Variants in NUDT9 observed in about 807,000 individuals in gnomAD.
The protein encoded by NUDT9 is nudix hydrolase 9.
Under a neutral mutation model 41.0 loss-of-function variants are expected in NUDT9, and 31 were observed. The observed-to-expected ratio is 0.76, with a 90% confidence interval of 0.57 to 1.02. The LOEUF is 1.02. NUDT9 is among the 50% of genes least tolerant of loss of function. The pLI, the probability that NUDT9 is intolerant of heterozygous loss-of-function variation, is 0.00. For missense variants in NUDT9, 380 were observed against 431.4 expected (o/e 0.88, Z 1.06); for synonymous variants, 146 against 147.6 (o/e 0.99, Z 0.08).
At chr4:87,440,978 A>G (rs923600260) in intron 3 of NUDT9, among the ~76,000 whole-genome samples, 6 of 152,172 alleles carry the variant, frequency 3.9e-5, no homozygotes, top group Non-Finnish European at 7.4e-5. Context: ...AGTCTTGCTG[A>G]AATATTTCTG....
intron 6 of NUDT9, among the ~76,000 whole-genome samples, chr4:87,452,066 G>A (rs764857226): frequency 1.7e-4 from 26 of 150,296 alleles, no homozygotes; most frequent in Non-Finnish European, 3.1e-4. Context: ...GCAGTGGCAC[G>A]ATCTTGGCTT....
At chr4:87,453,929 G>A (rs1475939498) in intron 6 of NUDT9, among the ~76,000 whole-genome samples, 1 of 149,730 alleles carries the variant, frequency 6.7e-6, no homozygotes, top group East Asian at 2.0e-4. Context: ...CGCGATCTTG[G>A]CTCACTGCTA....
chr4:87,437,848 G>A (rs1722022756), intron 2 of NUDT9, among the ~76,000 whole-genome samples: 1 of 152,130 alleles, frequency 6.6e-6, no homozygotes, highest in South Asian at 2.1e-4. Flanking sequence ...TAATCAGTGT[G>A]CATTTGAAGA....
At chr4:87,453,809 C>T (rs941450557) in intron 6 of NUDT9, among the ~76,000 whole-genome samples, 4 of 151,536 alleles carry the variant, frequency 2.6e-5, no homozygotes, top group Non-Finnish European at 4.4e-5. Context: ...TGAAGTACTA[C>T]ATTAAAAGTT....
chr4:87,446,247 CTTTTTTT>C (rs386400738), intron 4 of NUDT9, among the ~76,000 whole-genome samples: 5 of 124,234 alleles, frequency 4.0e-5, no homozygotes, highest in South Asian at 2.5e-4. Flanking sequence ...CTTATCTTTC[CTTTTTTT>C]TTTTTTTTTT....
In NUDT9 at chr4:87,422,739, C is replaced by T. The variant is rs759075546; in HGVS notation, c.-167C>T. ...CTCTTATCGTGGGAGGGCTCTTGAT[C>T]TGTGATTTATAGATAGGCACAGCTA... On this transcript the variant is annotated 5_prime_UTR_variant, in exon 1 of 8. Transcript: ENST00000302174. The T allele has an allele frequency of 1.9e-6, 1 of 526,218 alleles. No individual in the cohort carries two copies. The highest frequency in any genetic ancestry group is 3.4e-6 in the Non-Finnish European group (1 of 297,422). The allele number at this position is 526,218 out of a possible 1,614,324, so 32.6% of individuals were successfully genotyped here.
intron 3 of NUDT9, among the ~76,000 whole-genome samples, chr4:87,438,857 G>A (rs907021839): frequency 2.0e-5 from 3 of 152,280 alleles, no homozygotes; most frequent in East Asian, 1.9e-4. Context: ...GTATCAGCCT[G>A]TTCTCACAGT....
intron 3 of NUDT9, 98 bp from the exon 4 acceptor site, chr4:87,441,731 C>T: frequency 9.7e-6 from 9 of 932,016 alleles, no homozygotes; most frequent in Non-Finnish European, 1.5e-5. Context: ...AGGACTTATT[C>T]TGTCTTACTG....
chr4:87,425,119 G>T (rs1019872619), intron 1 of NUDT9, among the ~76,000 whole-genome samples: 1 of 152,094 alleles, frequency 6.6e-6, no homozygotes. Context: ...GCTTTGGAAG[G>T]CTGAGGCAGG....
intron 3 of NUDT9, among the ~76,000 whole-genome samples, 170 bp downstream of exon 3, chr4:87,438,542 T>A (rs1722057673): frequency 6.6e-6 from 1 of 152,134 alleles, no homozygotes. Context: ...TTAATTGAAT[T>A]TTACAGATAA....
Position 87,457,950 on chromosome 4 carries a change from A to G in NUDT9, c.982A>G (p.Ile328Val), listed in dbSNP as rs1578083781. 1 of 1,596,918 alleles carries G rather than the reference A, an allele frequency of 6.3e-7. No homozygotes were observed. Among genetic ancestry groups the G allele is most frequent in the South Asian group, 1.1e-5 (1 of 88,264 alleles). The change falls in exon 8 of 8, where the codon ATC becomes GTC. Residue 328 changes from isoleucine (I) to valine (V), a missense_variant. Transcript: ENST00000302174. Reference sequence around the variant, plus strand: ...GCTTTATGCCAGTCACTCTCAATTCATCAAACTTGTGGCTGAGAAACGAGA... The same window carrying G: ...GCTTTATGCCAGTCACTCTCAATTCGTCAAACTTGTGGCTGAGAAACGAGA... ...LKLYASHSQF[I>V]KLVAEKRDAH...
rs905477307 is a variant in NUDT9, at chr4:87,449,264, A to G, written c.642+11A>G. On this transcript the variant is annotated intron_variant, in intron 5 of 7. Coordinates refer to ENST00000302174, the MANE Select transcript of NUDT9 (RefSeq NM_024047.5). ...TGGGCAATCCCAGGGGTAAGCATTAAAATTAAATTAGTGTTTAAGTTCCTT... is the reference window on the plus strand; with the variant it reads ...TGGGCAATCCCAGGGGTAAGCATTAGAATTAAATTAGTGTTTAAGTTCCTT... The G allele has an allele frequency of 7.2e-7, 1 of 1,395,952 alleles. No homozygotes were observed. The highest frequency in any genetic ancestry group is 1.0e-6 in the Non-Finnish European group (1 of 981,902). The allele number at this position is 1,395,952 out of a possible 1,614,324, so 86.5% of individuals were successfully genotyped here.
chr4:87,457,490 G>A (rs1043613033), intron 7 of NUDT9, among the ~76,000 whole-genome samples: 70 of 152,062 alleles, frequency 4.6e-4, no homozygotes, highest in African/African-American at 1.7e-3. Context: ...ACCCGCCTCA[G>A]CTTTGTTTAT....
In NUDT9 at chr4:87,424,160, C is replaced by G. The variant is rs369883275; in HGVS notation, c.107+1148C>G. 4.0e-5 allele frequency among the ~76,000 whole-genome samples: 6 copies of G among 151,230 alleles called. No individual in the cohort carries two copies. The South Asian group carries it at 6.3e-4, about 16-fold the overall frequency. ...ACTGAGTGATTTCCATGGTTATTGTCGCGCTGCCAGTTTATGATCCTTGGG... is the reference window on the plus strand; with the variant it reads ...ACTGAGTGATTTCCATGGTTATTGTGGCGCTGCCAGTTTATGATCCTTGGG... On this transcript the variant is annotated intron_variant, in intron 1 of 7. Transcript: ENST00000302174.
chr4:87,439,176 A>T (rs1409569492), intron 3 of NUDT9, among the ~76,000 whole-genome samples: 1 of 151,670 alleles, frequency 6.6e-6, no homozygotes, highest in Non-Finnish European at 1.5e-5. Flanking sequence ...AAAAAAAAAA[A>T]TAGACATACC....
At position 87,438,333 on chromosome 4, in the gene NUDT9, G is replaced by A; in HGVS notation, c.404G>A (p.Ser135Asn). 7.4e-6 allele frequency: 12 copies of A among 1,611,766 alleles called. No individual in the cohort carries two copies. Among genetic ancestry groups the A allele is most frequent in the African/African-American group, 4.0e-5 (3 of 74,984 alleles). The change falls in exon 3 of 8, where the codon AGC becomes AAC. Residue 135 changes from serine (S) to asparagine (N), a missense_variant. Ser to Asn is a conservative substitution (Grantham distance 46). Coordinates refer to ENST00000302174, the MANE Select transcript of NUDT9 (RefSeq NM_024047.5). The stretch of plus-strand genomic sequence containing the variant: ...AAGGATGGGCATGTTGAGAGAAAGA[G>A]CAAGAATGGCCTGTATGAGATTGAA... The part of the protein sequence containing the change: ...NEKDGHVERK[S>N]KNGLYEIENG...
intron 4 of NUDT9, among the ~76,000 whole-genome samples, chr4:87,444,541 TA>T (rs995449044): frequency 2.0e-5 from 3 of 151,922 alleles, no homozygotes; most frequent in African/African-American, 4.8e-5. Flanking sequence ...AAAGAGTTAA[TA>T]AAAAAAATAT....
chr4:87,453,264 G>A (rs775421647), intron 6 of NUDT9, among the ~76,000 whole-genome samples: 1 of 152,076 alleles, frequency 6.6e-6, no homozygotes, highest in African/African-American at 2.4e-5. Context: ...GTAATCTTTA[G>A]TTTTATTTAT....
At chr4:87,436,153 T>G (rs1196093143) in intron 2 of NUDT9, among the ~76,000 whole-genome samples, 1 of 151,680 alleles carries the variant, frequency 6.6e-6, no homozygotes, top group African/African-American at 2.4e-5. Context: ...TCCACCATAC[T>G]TGGCTAATTT....
Sources: gnomAD v4.1 joint callset for allele counts (sites outside exome capture counted in the v4.1 genomes callset) on GRCh38, gnomAD v4.1.1 for gene constraint, MANE v1.5 for transcripts, NCBI Gene and HGNC (gene_info 2026-07-23, HGNC 2026-07-21) for gene names.